Variants in CLEC4D observed in about 807,000 individuals in gnomAD.
The protein encoded by CLEC4D is C-type (calcium dependent, carbohydrate-recognition domain) lectin, superfamily member 8.
Under a neutral mutation model 21.1 loss-of-function variants are expected in CLEC4D, and 21 were observed. The observed-to-expected ratio is 1.00, with a 90% CI of 0.71 to 1.43. The LOEUF is 1.43. Ranked by LOEUF, CLEC4D falls within the 40% of genes most tolerant of loss-of-function variation. CLEC4D has a pLI of 0.00. For missense variants in CLEC4D, 289 were observed against 260.7 expected, an observed-to-expected ratio of 1.11 and a Z score of -0.75; for synonymous variants, 85 against 83.1, an observed-to-expected ratio of 1.02 and a Z score of -0.12.
intron 1 of CLEC4D, among the ~76,000 whole-genome samples, chr12:8,514,747 C>G (rs1265177823): frequency 6.6e-6 from 1 of 151,986 alleles, no homozygotes; most frequent in Admixed American, 6.6e-5. Flanking sequence ...TTTACAGTTC[C>G]CTGATTGGGC....
chr12:8,523,494 T>G (rs1168329542), downstream of CLEC4D, among the ~76,000 whole-genome samples: 2 of 152,212 alleles, frequency 1.3e-5, no homozygotes, highest in Non-Finnish European at 2.9e-5. Flanking sequence ...TTTGGCTCTC[T>G]GCTTGCCTAT....
chr12:8,528,670 C>G, the CLEC4D span, among the ~76,000 whole-genome samples: 1 of 152,022 alleles, frequency 6.6e-6, no homozygotes, highest in Non-Finnish European at 1.5e-5. Flanking sequence ...ATTTTTGAAA[C>G]AGTAATATAT....
At chr12:8,527,014 G>A (rs900426787), downstream of CLEC4D, among the ~76,000 whole-genome samples, 14 of 152,042 alleles carry the variant, frequency 9.2e-5, no homozygotes, top group Non-Finnish European at 1.6e-4. Context: ...ATTCACTCCC[G>A]TGCTTGCAGA....
intron 4 of CLEC4D, among the ~76,000 whole-genome samples, chr12:8,519,708 A>G (rs886849306): frequency 2.0e-5 from 3 of 152,248 alleles, no homozygotes; most frequent in African/African-American, 7.2e-5. Flanking sequence ...ATGATAAGTA[A>G]AGAAATCTTA....
At chr12:8,527,229 G>A (rs1461796563), downstream of CLEC4D, among the ~76,000 whole-genome samples, 3 of 152,142 alleles carry the variant, frequency 2.0e-5, no homozygotes, top group African/African-American at 7.2e-5. Context: ...TGGTGGAGAG[G>A]GTGTGTTTTG....
chr12:8,518,346 T>C (rs774379524), intron 3 of CLEC4D, 72 bp downstream of exon 3: 122 of 731,946 alleles, frequency 1.7e-4, no homozygotes, highest in Admixed American at 4.6e-4. Flanking sequence ...TGAAGGAATG[T>C]CAGTAGTGAA....
At chr12:8,524,110 T>C (rs748178679), downstream of CLEC4D, among the ~76,000 whole-genome samples, 1 of 152,320 alleles carries the variant, frequency 6.6e-6, no homozygotes, top group Admixed American at 6.5e-5. Context: ...CAGTATTTTA[T>C]TGAGGATTTT....
At chr12:8,524,744 T>G (rs1230438329), downstream of CLEC4D, among the ~76,000 whole-genome samples, 4 of 152,220 alleles carry the variant, frequency 2.6e-5, no homozygotes, top group Non-Finnish European at 5.9e-5. Context: ...CTGCTAGCTT[T>G]TGGATTAGTT....
chr12:8,520,304 C>T lies in CLEC4D; in HGVS notation c.463C>T (p.Arg155Cys), dbSNP rs779492386. The part of the protein sequence containing the change: ...LRDENAKGQW[R>C]WVDQTPFNPR... The stretch of plus-strand genomic sequence containing the variant: ...AGATGAGAATGCCAAAGGTCAGTGG[C>T]GTTGGGTGGACCAGACGCCATTTAA... The change falls in exon 5 of 6, where the codon CGT (arginine) becomes TGT (cysteine). Residue 155 changes from arginine (R) to cysteine (C), a missense_variant. Physicochemically the swap from Arg to Cys is radical, Grantham distance 180. Coordinates refer to ENST00000299665, the MANE Select transcript of CLEC4D (RefSeq NM_080387.5). 1.2e-5 allele frequency: 19 copies of T among 1,613,738 alleles called. No individual in the cohort carries two copies. Among genetic ancestry groups the T allele is most frequent in the East Asian group, 4.5e-5 (2 of 44,884 alleles).
At position 8,521,147 on chromosome 12, in the gene CLEC4D, A is replaced by G. The variant is rs1201948234; in HGVS notation, c.524A>G (p.Asp175Gly). The change falls in exon 6 of 6, where the codon GAC becomes GGC. Residue 175 changes from aspartate (D) to glycine (G), a missense_variant. Asp to Gly is a moderately conservative substitution (Grantham distance 94). Transcript: ENST00000299665. ...AGATTCTGGCATAAGAATGAACCCGACAACTCTCAGGGAGAAAACTGTGTT... is the reference window on the plus strand; with the variant it reads ...AGATTCTGGCATAAGAATGAACCCGGCAACTCTCAGGGAGAAAACTGTGTT... ...RRVFWHKNEP[D>G]NSQGENCVVL... The G allele has an allele frequency of 6.2e-7, 1 of 1,613,292 alleles. No homozygotes were observed. The highest frequency in any genetic ancestry group is 8.5e-7 in the Non-Finnish European group (1 of 1,179,578).
At chr12:8,525,801 G>T (rs1940501328), downstream of CLEC4D, among the ~76,000 whole-genome samples, 1 of 152,058 alleles carries the variant, frequency 6.6e-6, no homozygotes, top group Non-Finnish European at 1.5e-5. Context: ...TTATATTTTG[G>T]TCTGTTTTTG....
chr12:8,513,684 A>G lies in CLEC4D; in HGVS notation c.-49A>G, dbSNP rs1193014480. ...AAATATACTCTGGGGGAAAAAAAATAGAACAAATTCTTGCCGTCCTGACCA... is the reference window on the plus strand; with the variant it reads ...AAATATACTCTGGGGGAAAAAAAATGGAACAAATTCTTGCCGTCCTGACCA... On this transcript the variant is annotated 5_prime_UTR_variant, in exon 1 of 6. In the 5' UTR this introduces an upstream ATG that the reference lacks. Coordinates refer to ENST00000299665, the MANE Select transcript of CLEC4D (RefSeq NM_080387.5). 1.1e-6 allele frequency: 1 copy of G among 888,854 alleles called. No individual in the cohort carries two copies. Among genetic ancestry groups the G allele is most frequent in the Admixed American group, 1.8e-5 (1 of 56,238 alleles). The allele number at this position is 888,854 out of a possible 1,614,324, so 55.1% of individuals were successfully genotyped here. A position where few individuals can be genotyped will look rare whatever the true frequency, so the allele number is the denominator to read the frequency against.
chr12:8,518,093 A>T, intron 2 of CLEC4D, 71 bp from the exon 3 acceptor site: 1 of 650,708 alleles, frequency 1.5e-6, no homozygotes, highest in Non-Finnish European at 2.7e-6. Context: ...AAATTTAGGA[A>T]GGTCAGCCCC....
downstream of CLEC4D, among the ~76,000 whole-genome samples, chr12:8,526,229 G>T (rs1277603682): frequency 1.3e-5 from 2 of 152,090 alleles, no homozygotes; most frequent in African/African-American, 2.4e-5. Flanking sequence ...TTGCATGTTG[G>T]CCTGTGTTGC....
At position 8,519,012 on chromosome 12, in the gene CLEC4D, G is replaced by A. The variant is rs759447036; in HGVS notation, c.236G>A (p.Ser79Asn). 1.2e-6 allele frequency: 2 copies of A among 1,610,706 alleles called. No individual in the cohort carries two copies. Among genetic ancestry groups the A allele is most frequent in the Admixed American group, 3.4e-5 (2 of 58,966 alleles). The change falls in exon 4 of 6, where the codon AGC (serine) becomes AAC (asparagine). Residue 79 changes from serine to asparagine, a missense_variant. Ser to Asn is a conservative substitution (Grantham distance 46). Transcript: ENST00000299665. The stretch of plus-strand genomic sequence containing the variant: ...TCCGTTTTAATTTTCACTTGAGGGA[G>A]CACCTGGAACTGTTGTCCTATTGAC... ...EKSELKSAEGSTWNCCPIDWR... is the reference protein window; with the variant it reads ...EKSELKSAEGNTWNCCPIDWR...
chr12:8,526,882 TTTG>T (rs574864580), downstream of CLEC4D, among the ~76,000 whole-genome samples: 1 of 152,096 alleles, frequency 6.6e-6, no homozygotes, highest in African/African-American at 2.4e-5. Flanking sequence ...TGGGGGCCCT[TTTG>T]TTGTTGTTGT....
At chr12:8,528,923 CATAT>C in the CLEC4D span, among the ~76,000 whole-genome samples, 2 of 151,656 alleles carry the variant, frequency 1.3e-5, no homozygotes, top group Admixed American at 6.6e-5. Context: ...ATATACTAAA[CATAT>C]ATAGATATAT....
downstream of CLEC4D, among the ~76,000 whole-genome samples, chr12:8,526,021 C>T (rs1283851193): frequency 6.6e-6 from 1 of 152,192 alleles, no homozygotes; most frequent in Non-Finnish European, 1.5e-5. Flanking sequence ...GGCCCCCAAT[C>T]TCTTCTGGCT....
chr12:8,516,321 A>G (rs755235215), intron 2 of CLEC4D, among the ~76,000 whole-genome samples: 40 of 152,348 alleles, frequency 2.6e-4, no homozygotes, highest in African/African-American at 8.9e-4. Context: ...AGTGAAAATA[A>G]AAAGCCATAG....
Sources: allele counts gnomAD v4.1 joint callset (sites outside exome capture counted in the v4.1 genomes callset), GRCh38; gene constraint gnomAD v4.1.1; transcripts MANE v1.5; gene names NCBI Gene and HGNC (gene_info 2026-07-23, HGNC 2026-07-21).